Variants in IL20RA observed in about 807,000 individuals in gnomAD.
IL20RA encodes the protein interleukin 20 receptor subunit alpha.
Under a neutral mutation model 36.5 loss-of-function variants are expected in IL20RA, and 29 were observed. The ratio of observed to expected loss-of-function variants is 0.79; its 90% confidence interval spans 0.59 to 1.08. The LOEUF is 1.08. IL20RA is among the 50% of genes least tolerant of loss of function. The pLI is 0.00. For missense variants in IL20RA, 652 were observed against 668.4 expected (o/e 0.98, Z 0.27); for synonymous variants, 279 against 267.1 (o/e 1.04, Z -0.43).
intron 5 of IL20RA, among the ~76,000 whole-genome samples, chr6:137,005,377 G>A (rs1242450928): frequency 6.6e-6 from 1 of 152,162 alleles, no homozygotes; most frequent in Admixed American, 6.5e-5. Flanking sequence ...CTCCCTTCCC[G>A]GGCCTGCTGT....
intron 1 of IL20RA, among the ~76,000 whole-genome samples, chr6:137,040,258 TTAAA>T (rs1339412759): frequency 6.6e-6 from 1 of 152,006 alleles, no homozygotes; most frequent in Non-Finnish European, 1.5e-5. Context: ...ACTCACGGTC[TTAAA>T]TATATATACA....
chr6:137,005,646 TTTGTTG>T (rs1019141217), intron 5 of IL20RA, among the ~76,000 whole-genome samples: 2 of 151,974 alleles, frequency 1.3e-5, no homozygotes, highest in East Asian at 1.9e-4. Context: ...TGTGAAGGTT[TTTGTTG>T]TTGTTGTTGT....
At position 137,009,992 on chromosome 6, in the gene IL20RA, C is replaced by T. The variant is rs143434247; in HGVS notation, c.404-500G>A. On this transcript the variant is annotated intron_variant, in intron 3 of 6. Coordinates refer to ENST00000316649, the MANE Select transcript of IL20RA (RefSeq NM_014432.4). ...GATCTTGAAACCATCCTGAAACCAACCTTGAAACCAACCTTCACACAGCCT... is the reference window on the plus strand; with the variant it reads ...GATCTTGAAACCATCCTGAAACCAATCTTGAAACCAACCTTCACACAGCCT... Among the ~76,000 whole-genome samples, 4 of 152,002 alleles carry T rather than the reference C, an allele frequency of 2.6e-5. No homozygotes were observed. The East Asian group carries it at 8.0e-4, about 30-fold the overall frequency.
At chr6:137,024,429 A>G (rs1432126672) in intron 1 of IL20RA, among the ~76,000 whole-genome samples, 1 of 152,190 alleles carries the variant, frequency 6.6e-6, no homozygotes, top group Non-Finnish European at 1.5e-5. Flanking sequence ...AAATAGATTT[A>G]TGGTCTGGAA....
At chr6:137,039,163 G>A (rs769691624) in intron 1 of IL20RA, among the ~76,000 whole-genome samples, 15 of 152,144 alleles carry the variant, frequency 9.9e-5, no homozygotes, top group Admixed American at 5.9e-4. Flanking sequence ...ATTCCATGCC[G>A]CTTTCCATGG....
chr6:137,040,112 A>G (rs752109441), intron 1 of IL20RA, among the ~76,000 whole-genome samples: 2 of 152,216 alleles, frequency 1.3e-5, no homozygotes, highest in Non-Finnish European at 2.9e-5. Flanking sequence ...AAATATTTAT[A>G]TTAGAATCAG....
At chr6:137,033,412 A>T (rs1282685281) in intron 1 of IL20RA, among the ~76,000 whole-genome samples, 1 of 152,218 alleles carries the variant, frequency 6.6e-6, no homozygotes, top group African/African-American at 2.4e-5. Flanking sequence ...AAGAGGTAGG[A>T]CCTGGTGGGA....
chr6:137,019,362 C>CTTGG (rs1775821624), intron 1 of IL20RA, among the ~76,000 whole-genome samples: 1 of 151,994 alleles, frequency 6.6e-6, no homozygotes, highest in African/African-American at 2.4e-5. Context: ...CTCCTGACCT[C>CTTGG]AGGTGATCCT....
At chr6:137,030,893 G>A (rs1020629138) in intron 1 of IL20RA, among the ~76,000 whole-genome samples, 8 of 151,996 alleles carry the variant, frequency 5.3e-5, no homozygotes, top group African/African-American at 1.9e-4. Flanking sequence ...ACACTCCTTG[G>A]ACATCTCTGG....
chr6:137,021,150 G>A (rs1381119148), intron 1 of IL20RA, among the ~76,000 whole-genome samples: 1 of 151,612 alleles, frequency 6.6e-6, no homozygotes, highest in African/African-American at 2.4e-5. Context: ...TTTATTTTCA[G>A]AAATGGATGC....
At position 137,044,864 on chromosome 6, in the gene IL20RA, A is replaced by C; in HGVS notation, c.-136T>G. On this transcript the variant is annotated 5_prime_UTR_variant, in exon 1 of 7. Transcript: ENST00000316649. ...CCACGCTCCAGGCGACCTGAGTCCC[A>C]GGGCGCCTCCGCCACAGCCGCGTCC... 2.4e-6 allele frequency: 2 copies of C among 823,262 alleles called. No individual in the cohort carries two copies. Among genetic ancestry groups the C allele is most frequent in the Non-Finnish European group, 3.2e-6 (2 of 628,128 alleles). 51.0% of individuals were successfully genotyped at this position (823,262 alleles called of 1,614,324 possible). A position where few individuals can be genotyped will look rare whatever the true frequency, so the allele number is the denominator to read the frequency against.
rs142288648 is a variant in IL20RA, at chr6:137,009,318, G to C, written c.578C>G (p.Thr193Arg). 6.2e-7 allele frequency: 1 copy of C among 1,611,696 alleles called. No homozygotes were observed. The highest frequency in any genetic ancestry group is 1.3e-5 in the African/African-American group (1 of 74,946). Residue 193 changes from threonine (T) to arginine (R), a missense_variant and splice_region_variant, in exon 4 of 7, where the codon ACG becomes AGG. Thr to Arg is a moderately conservative substitution (Grantham distance 71). Coordinates refer to ENST00000316649, the MANE Select transcript of IL20RA (RefSeq NM_014432.4). ...TGCCCCATTCCATTTCAGGCTTACC[G>C]TTCTGTTTGATTTAGTATTCAACAC... ...VSVLNTKSNR[T>R]WSQCVTNHTL...
intron 5 of IL20RA, 49 bp from the exon 6 acceptor site, chr6:137,004,809 G>A: frequency 6.5e-7 from 1 of 1,530,364 alleles, no homozygotes; most frequent in Non-Finnish European, 8.8e-7. Context: ...GGATTAGATA[G>A]TTGTGATTTG....
In IL20RA at chr6:137,032,800, A is replaced by G. The variant is rs902721209; in HGVS notation, c.88+11841T>C. 2.0e-5 allele frequency among the ~76,000 whole-genome samples: 3 copies of G among 152,198 alleles called. No homozygotes were observed. The South Asian group carries it at 6.2e-4, about 32-fold the overall frequency. ...ATGAATTGTTTTGAGGGTGACCAGG[A>G]CTAGGATCGGACCTCTTCAAGGCTG... On this transcript the variant is annotated intron_variant, in intron 1 of 6. Transcript: ENST00000316649.
intron 1 of IL20RA, among the ~76,000 whole-genome samples, chr6:137,039,403 C>T (rs1366982463): frequency 6.6e-6 from 1 of 152,136 alleles, no homozygotes; most frequent in Non-Finnish European, 1.5e-5. Flanking sequence ...GATAAGAAAT[C>T]ACCCCAAGTC....
chr6:137,003,968 A>C (rs1282571540), intron 6 of IL20RA, among the ~76,000 whole-genome samples: 1 of 151,988 alleles, frequency 6.6e-6, no homozygotes, highest in African/African-American at 2.4e-5. Flanking sequence ...CAGAATTCCC[A>C]GCGCCTGCTC....
rs77309418 is a variant in IL20RA at position 137,026,452 on chromosome 6, G to T, written c.89-9349C>A. Among the ~76,000 whole-genome samples, 1,296 of 152,330 alleles carry T rather than the reference G, an allele frequency of 8.5e-3. 22 individuals are homozygous for T. Among genetic ancestry groups the T allele is most frequent in the African/African-American group, 0.029 (1,219 of 41,572 alleles). On this transcript the variant is annotated intron_variant, in intron 1 of 6. Coordinates refer to ENST00000316649, the MANE Select transcript of IL20RA (RefSeq NM_014432.4). ...TTACATTACACACAGGATCTGCACA[G>T]TCAGAAGATACTCAACAGCTGCGTT... is the stretch of plus-strand genomic sequence containing the variant.
intron 6 of IL20RA, among the ~76,000 whole-genome samples, chr6:137,004,044 G>A (rs988214130): frequency 7.2e-5 from 11 of 152,062 alleles, no homozygotes; most frequent in African/African-American, 2.4e-4. Flanking sequence ...TTCTAGAAGG[G>A]CAGGGCAGGG....
intron 1 of IL20RA, among the ~76,000 whole-genome samples, chr6:137,026,493 T>C (rs1776093939): frequency 6.6e-6 from 1 of 152,248 alleles, no homozygotes; most frequent in Non-Finnish European, 1.5e-5. Flanking sequence ...GAAGGCACAG[T>C]AACCCATGGC....
Sources: allele counts gnomAD v4.1 joint callset (sites outside exome capture counted in the v4.1 genomes callset), GRCh38; gene constraint gnomAD v4.1.1; transcripts MANE v1.5; gene names NCBI Gene and HGNC (gene_info 2026-07-23, HGNC 2026-07-21).